ATP8A2: variants seen among roughly 807,000 people sequenced by gnomAD.
ATP8A2 encodes the protein phospholipid-transporting ATPase IB.
ATP8A2 carries 100 observed loss-of-function variants against 165.6 expected under a neutral mutation model. The ratio of observed to expected loss-of-function variants is 0.60; its 90% CI spans 0.51 to 0.71. The LOEUF is 0.71. ATP8A2 is among the 30% of genes least tolerant of loss of function. ATP8A2 has a pLI of 0.00. For synonymous variants in ATP8A2, 543 were observed against 548.8 expected (o/e 0.99, Z 0.15); for missense variants, 1,227 against 1,479.5 (o/e 0.83, Z 2.80).
At chr13:25,459,267 C>T (rs2035442938) in intron 1 of ATP8A2, among the ~76,000 whole-genome samples, 1 of 152,220 alleles carries the variant, frequency 6.6e-6, no homozygotes, top group African/African-American at 2.4e-5. Context: ...CAAAACTGGA[C>T]ATTTCCATTT....
chr13:25,775,016 A>G, intron 27 of ATP8A2, 57 bp downstream of exon 27: 2 of 973,100 alleles, frequency 2.1e-6, no homozygotes, highest in South Asian at 1.4e-5. Context: ...GGATATCTTG[A>G]GGTATTTAAA....
chr13:25,502,924 A>G (rs796202784), intron 2 of ATP8A2, among the ~76,000 whole-genome samples: 7 of 152,324 alleles, frequency 4.6e-5, no homozygotes, highest in African/African-American at 1.7e-4. Flanking sequence ...AGGCATTGTC[A>G]AACCTGAGTG....
Position 25,513,792 on chromosome 13 carries a change from C to CA in ATP8A2, c.222-16200dup, listed in dbSNP as rs35990097. On this transcript the variant is annotated intron_variant, in intron 2 of 36. Coordinates refer to ENST00000381655, the MANE Select transcript of ATP8A2 (RefSeq NM_016529.6). Reference sequence around the variant, plus strand: ...CAACACAGCGAAACCCCGTCTCCACCAAAAAAATACAAAAACCAGTCAGGC... The same window carrying CA: ...CAACACAGCGAAACCCCGTCTCCACCAAAAAAAATACAAAAACCAGTCAGGC... 3.7e-3 allele frequency among the ~76,000 whole-genome samples: 567 copies of CA among 152,242 alleles called. 4 individuals carry two copies. Among genetic ancestry groups the CA allele is most frequent in the Middle Eastern group, 6.8e-3 (2 of 294 alleles).
intron 10 of ATP8A2, among the ~76,000 whole-genome samples, chr13:25,548,303 G>A (rs138721943): frequency 6.7e-4 from 102 of 152,270 alleles, no homozygotes; most frequent in Non-Finnish European, 1.0e-3. Context: ...GGGGGTGGGA[G>A]TCAGTAGGCC....
chr13:25,952,493 A>AC (rs1419761869), intron 33 of ATP8A2, among the ~76,000 whole-genome samples: 2 of 150,928 alleles, frequency 1.3e-5, no homozygotes, highest in East Asian at 2.0e-4. Flanking sequence ...CGATCCCCCC[A>AC]CCTTAGCCTC....
intron 33 of ATP8A2, among the ~76,000 whole-genome samples, chr13:25,949,925 A>C (rs1289117590): frequency 1.3e-5 from 2 of 151,992 alleles, no homozygotes; most frequent in African/African-American, 4.8e-5. Flanking sequence ...TCAGCCCCCC[A>C]GATAGCTGAG....
intron 1 of ATP8A2, among the ~76,000 whole-genome samples, chr13:25,457,392 C>G (rs2035392968): frequency 6.6e-6 from 1 of 152,102 alleles, no homozygotes; most frequent in South Asian, 2.1e-4. Flanking sequence ...GGTAAAAGGA[C>G]ATATCAATGA....
Position 26,025,633 on chromosome 13 carries a change from T to C in ATP8A2, c.*5648T>C, listed in dbSNP as rs1316519382. ...GTTTTTTGTTGCCTCCCTCTAGAAG[T>C]GTTACCGTTTTCACGTCCTATTAAT... is the stretch of plus-strand genomic sequence containing the variant. On this transcript the variant is annotated 3_prime_UTR_variant, in exon 37 of 37. Coordinates refer to ENST00000381655, the MANE Select transcript of ATP8A2 (RefSeq NM_016529.6). 2 of 152,168 alleles carry C rather than the reference T, an allele frequency of 1.3e-5. No homozygotes were observed. The highest frequency in any genetic ancestry group is 2.9e-5 in the Non-Finnish European group (2 of 68,052). 9.4% of individuals were successfully genotyped at this position (152,168 alleles called of 1,614,324 possible).
chr13:25,787,191 C>T (rs1341329085), intron 27 of ATP8A2, among the ~76,000 whole-genome samples: 3 of 152,216 alleles, frequency 2.0e-5, no homozygotes, highest in African/African-American at 7.2e-5. Context: ...TCCAAAAATT[C>T]CCCAGTCTCC....
At chr13:25,416,771 A>G (rs1203131293) in intron 1 of ATP8A2, among the ~76,000 whole-genome samples, 3 of 152,236 alleles carry the variant, frequency 2.0e-5, no homozygotes, top group Non-Finnish European at 4.4e-5. Context: ...CAGAAGGGTT[A>G]ACTTTATTAA....
intron 1 of ATP8A2, among the ~76,000 whole-genome samples, chr13:25,451,852 G>GT (rs67427237): frequency 0.44 from 64,144 of 146,684 alleles, 14,627 homozygotes; most frequent in East Asian, 0.69. Context: ...TACCTTCATG[G>GT]TTTTTTTTTT....
chr13:25,566,472 T>TA (rs2138151120), intron 16 of ATP8A2, among the ~76,000 whole-genome samples: 1 of 152,280 alleles, frequency 6.6e-6, no homozygotes, highest in East Asian at 1.9e-4. Flanking sequence ...AGGTTGAGGG[T>TA]AACCACAAAG....
At chr13:25,811,050 A>G (rs79952258) in intron 27 of ATP8A2, among the ~76,000 whole-genome samples, 1,534 of 98,046 alleles carry the variant, frequency 0.016, 19 homozygotes, top group African/African-American at 0.055. Context: ...AATTTTTGTC[A>G]TTTGCCTCCC....
intron 30 of ATP8A2, among the ~76,000 whole-genome samples, chr13:25,853,389 TAAA>T (rs58660867): frequency 1.4e-5 from 1 of 72,298 alleles, no homozygotes; most frequent in Middle Eastern, 6.7e-3. Context: ...AGACTCTATC[TAAA>T]AAAAATATAT....
rs554242001 is a variant in ATP8A2 at position 25,555,659 on chromosome 13, G to T, written c.1263+591G>T. ...TTCAATATTTATTTTAGATTCGGGGGTAAATGTGCAGGTCTGTTTTGTGGG... is the reference window on the plus strand; with the variant it reads ...TTCAATATTTATTTTAGATTCGGGGTTAAATGTGCAGGTCTGTTTTGTGGG... On this transcript the variant is annotated intron_variant, in intron 13 of 36. Transcript: ENST00000381655. Among the ~76,000 whole-genome samples the T allele has an allele frequency of 1.5e-4, 23 of 152,128 alleles. No homozygotes were observed. In the South Asian group the frequency reaches 3.9e-3, roughly 26 times the overall value.
intron 33 of ATP8A2, among the ~76,000 whole-genome samples, chr13:25,908,424 T>G (rs1244141550): frequency 1.3e-5 from 2 of 152,260 alleles, no homozygotes; most frequent in Non-Finnish European, 2.9e-5. Context: ...TACTTTCATC[T>G]TTGCAACGTC....
chr13:25,568,942 T>A (rs1465429265), intron 16 of ATP8A2, among the ~76,000 whole-genome samples: 4 of 152,062 alleles, frequency 2.6e-5, no homozygotes, highest in Admixed American at 6.6e-5. Flanking sequence ...TTTTAGGATT[T>A]AAAAAAAATC....
At chr13:25,457,856 C>T (rs1400639806) in intron 1 of ATP8A2, among the ~76,000 whole-genome samples, 1 of 152,196 alleles carries the variant, frequency 6.6e-6, no homozygotes, top group Non-Finnish European at 1.5e-5. Flanking sequence ...AAAAGCCATC[C>T]TACTGGGGAA....
Position 25,959,074 on chromosome 13 carries a change from C to G in ATP8A2, c.3184-2501C>G, listed in dbSNP as rs547916058. ...TTGAACAAGTCCATCTTCCAGGGGC[C>G]AAGCACCACCTCAGGCATCTGTAGC... On this transcript the variant is annotated intron_variant, in intron 33 of 36. Coordinates refer to ENST00000381655, the MANE Select transcript of ATP8A2 (RefSeq NM_016529.6). Among the ~76,000 whole-genome samples the G allele has an allele frequency of 1.4e-4, 21 of 152,282 alleles. 2 individuals carry two copies. The South Asian group carries it at 3.1e-3, about 23-fold the overall frequency.
Sources: allele counts gnomAD v4.1 joint callset (sites outside exome capture counted in the v4.1 genomes callset), GRCh38; gene constraint gnomAD v4.1.1; transcripts MANE v1.5; gene names NCBI Gene and HGNC (gene_info 2026-07-23, HGNC 2026-07-21).